The following CACNA2D1 variants were observed in gnomAD, a reference collection of about 807,000 sequenced individuals.
The protein encoded by CACNA2D1 is voltage-dependent calcium channel subunit alpha-2/delta-1.
A neutral mutation model predicts 171.5 loss-of-function variants in CACNA2D1; 53 were observed. The ratio of observed to expected loss-of-function variants is 0.31; its 90% CI spans 0.25 to 0.39. CACNA2D1 has a LOEUF of 0.39. Ranked by LOEUF, CACNA2D1 falls within the 10% of genes least tolerant of loss-of-function variation. The pLI, the probability that CACNA2D1 is intolerant of heterozygous loss-of-function variation, is 1.00. For synonymous variants in CACNA2D1, 442 were observed against 443.1 expected, an observed-to-expected ratio of 1.00 and a Z score of 0.03; for missense variants, 903 against 1,299.8, an observed-to-expected ratio of 0.69 and a Z score of 4.69.
At chr7:82,255,493 C>T (rs1263173429) in intron 3 of CACNA2D1, among the ~76,000 whole-genome samples, 3 of 152,160 alleles carry the variant, frequency 2.0e-5, no homozygotes, top group Non-Finnish European at 4.4e-5. Context: ...ACACAGTTGG[C>T]ATAACAGAAA....
At chr7:82,410,004 C>T (rs1247667427) in intron 1 of CACNA2D1, among the ~76,000 whole-genome samples, 2 of 152,148 alleles carry the variant, frequency 1.3e-5, no homozygotes, top group African/African-American at 4.8e-5. Flanking sequence ...CATATGTCAA[C>T]ATAGAAAGCT....
intron 1 of CACNA2D1, among the ~76,000 whole-genome samples, chr7:82,364,777 G>A (rs189174100): frequency 6.6e-6 from 1 of 152,128 alleles, no homozygotes; most frequent in African/African-American, 2.4e-5. Flanking sequence ...GTTTCTAATT[G>A]CCATCCCAGC....
intron 3 of CACNA2D1, among the ~76,000 whole-genome samples, chr7:82,322,644 A>T (rs1312546401): frequency 1.3e-5 from 2 of 152,084 alleles, no homozygotes; most frequent in Non-Finnish European, 2.9e-5. Flanking sequence ...ATAAAATTTA[A>T]AAAGATTTAT....
rs1246789880 is a variant in CACNA2D1 at position 82,020,769 on chromosome 7, A to G, written c.1144-6290T>C. The G allele has an allele frequency of 2.6e-5, 4 of 152,170 alleles. No individual in the cohort carries two copies. In the East Asian group the frequency reaches 7.7e-4, roughly 29 times the overall value. The allele number at this position is 152,170 out of a possible 1,614,324, so 9.4% of individuals were successfully genotyped here. On this transcript the variant is annotated intron_variant, in intron 12 of 38. Coordinates refer to ENST00000356860, the MANE Select transcript of CACNA2D1 (RefSeq NM_000722.4). ...AAATGCCATTATGTCCACATAAGAT[A>G]TATCTATACGAAATTTCCTGTATTT...
intron 1 of CACNA2D1, among the ~76,000 whole-genome samples, chr7:82,361,795 T>A (rs918904974): frequency 6.6e-6 from 1 of 152,182 alleles, no homozygotes; most frequent in Non-Finnish European, 1.5e-5. Context: ...TAGTATCATA[T>A]AATTTGCTAA....
At chr7:81,986,013 A>C (rs1038561378) in intron 21 of CACNA2D1, among the ~76,000 whole-genome samples, 2 of 152,350 alleles carry the variant, frequency 1.3e-5, no homozygotes, top group Non-Finnish European at 2.9e-5. Flanking sequence ...GAATTGTTAA[A>C]GGATTTCAGA....
intron 18 of CACNA2D1, among the ~76,000 whole-genome samples, chr7:82,002,159 A>G (rs1798685135): frequency 6.6e-6 from 1 of 151,960 alleles, no homozygotes; most frequent in South Asian, 2.1e-4. Flanking sequence ...AGATGATGGT[A>G]TCCAAAGGCT....
chr7:82,036,157 C>T (rs931595877), intron 11 of CACNA2D1, among the ~76,000 whole-genome samples: 5 of 152,102 alleles, frequency 3.3e-5, no homozygotes, highest in Admixed American at 6.5e-5. Flanking sequence ...GCAACCCAGC[C>T]CACACCACTT....
intron 2 of CACNA2D1, among the ~76,000 whole-genome samples, chr7:82,347,642 C>T (rs1402335210): frequency 6.6e-6 from 1 of 152,102 alleles, no homozygotes; most frequent in Non-Finnish European, 1.5e-5. Flanking sequence ...TGTAAGATGA[C>T]ACTCTTTGTG....
intron 1 of CACNA2D1, among the ~76,000 whole-genome samples, chr7:82,406,819 T>C (rs1827106581): frequency 6.6e-6 from 1 of 152,098 alleles, no homozygotes; most frequent in Admixed American, 6.5e-5. Flanking sequence ...CTTTATCTGT[T>C]TCAATCTTAG....
intron 1 of CACNA2D1, among the ~76,000 whole-genome samples, chr7:82,356,365 T>C (rs1166607799): frequency 6.6e-6 from 1 of 152,098 alleles, no homozygotes; most frequent in Non-Finnish European, 1.5e-5. Context: ...AACCTCTACC[T>C]GGAATTAATC....
intron 6 of CACNA2D1, among the ~76,000 whole-genome samples, chr7:82,086,059 T>C (rs1324956317): frequency 2.6e-5 from 4 of 152,144 alleles, no homozygotes; most frequent in Non-Finnish European, 5.9e-5. Flanking sequence ...CCACTTTGCA[T>C]TTGACAATCT....
intron 3 of CACNA2D1, among the ~76,000 whole-genome samples, chr7:82,210,685 C>A (rs1015014633): frequency 6.6e-6 from 1 of 152,180 alleles, no homozygotes; most frequent in African/African-American, 2.4e-5. Context: ...GATTTCAAAA[C>A]ATTCATGCCT....
chr7:82,414,453 A>G (rs1304201808), intron 1 of CACNA2D1, among the ~76,000 whole-genome samples: 1 of 152,226 alleles, frequency 6.6e-6, no homozygotes, highest in East Asian at 1.9e-4. Flanking sequence ...TTAAGGAAAC[A>G]TGAAACAAAC....
At chr7:82,130,092 C>A (rs1005903291) in intron 5 of CACNA2D1, among the ~76,000 whole-genome samples, 7 of 152,122 alleles carry the variant, frequency 4.6e-5, no homozygotes, top group Admixed American at 4.6e-4. Context: ...CAGAACATTC[C>A]TTTTACAGTT....
chr7:82,054,058 C>T (rs1403411107), intron 10 of CACNA2D1, among the ~76,000 whole-genome samples: 1 of 152,128 alleles, frequency 6.6e-6, no homozygotes, highest in African/African-American at 2.4e-5. Flanking sequence ...ACACGTTTAA[C>T]AACATATTTT....
intron 1 of CACNA2D1, among the ~76,000 whole-genome samples, chr7:82,382,207 A>G (rs1167549007): frequency 1.3e-5 from 2 of 152,204 alleles, no homozygotes; most frequent in Admixed American, 6.5e-5. Context: ...ATTCTTTTCA[A>G]TTTAAGGAAA....
chr7:82,215,244 G>A (rs540509084), intron 3 of CACNA2D1, among the ~76,000 whole-genome samples: 1 of 151,970 alleles, frequency 6.6e-6, no homozygotes, highest in African/African-American at 2.4e-5. Flanking sequence ...TTACATATTG[G>A]TTCATTTCTT....
At chr7:82,023,060 A>G (rs1209818004) in intron 12 of CACNA2D1, among the ~76,000 whole-genome samples, 1 of 151,862 alleles carries the variant, frequency 6.6e-6, no homozygotes, top group Non-Finnish European at 1.5e-5. Flanking sequence ...TCTATGGAAA[A>G]TAAAATAATT....
Sources: allele counts gnomAD v4.1 joint callset (sites outside exome capture counted in the v4.1 genomes callset), GRCh38; gene constraint gnomAD v4.1.1; transcripts MANE v1.5; gene names NCBI Gene and HGNC (gene_info 2026-07-23, HGNC 2026-07-21).